DLG2: variants seen among roughly 807,000 people sequenced by gnomAD.
DLG2 encodes discs large MAGUK scaffold protein 2.
Under a neutral mutation model 132.5 loss-of-function variants are expected in DLG2, and 45 were observed. The ratio of observed to expected loss-of-function variants is 0.34; its 90% CI spans 0.27 to 0.44. The LOEUF (loss-of-function observed/expected upper bound fraction) is 0.44. DLG2 is among the 20% of genes least tolerant of loss of function. DLG2 has a pLI of 1.00. For missense variants in DLG2, 1,045 were observed against 1,196.9 expected, an observed-to-expected ratio of 0.87 and a Z score of 1.87; for synonymous variants, 424 against 419.6, an observed-to-expected ratio of 1.01 and a Z score of -0.13.
chr11:85,416,027 C>T (rs2089809936), intron 3 of DLG2, among the ~76,000 whole-genome samples: 1 of 152,108 alleles, frequency 6.6e-6, no homozygotes, highest in South Asian at 2.1e-4. Context: ...AGTCTTTAAT[C>T]CATCTTAAGT....
chr11:85,544,126 C>A (rs1177900439), intron 3 of DLG2, among the ~76,000 whole-genome samples: 1 of 152,144 alleles, frequency 6.6e-6, no homozygotes, highest in Non-Finnish European at 1.5e-5. Context: ...GGTTTTAGGT[C>A]TAAAATTTAA....
At chr11:84,515,943 A>T (rs895864096) in intron 7 of DLG2, among the ~76,000 whole-genome samples, 1 of 151,294 alleles carries the variant, frequency 6.6e-6, no homozygotes, top group African/African-American at 2.4e-5. Flanking sequence ...AACTTTGGAA[A>T]ATTCACAAAT....
At chr11:85,180,242 G>A (rs938426298) in intron 4 of DLG2, among the ~76,000 whole-genome samples, 2 of 151,726 alleles carry the variant, frequency 1.3e-5, no homozygotes, top group African/African-American at 4.8e-5. Flanking sequence ...ATCCACCAGA[G>A]AACAGTTGTA....
intron 14 of DLG2, among the ~76,000 whole-genome samples, chr11:83,957,150 C>G (rs1372333955): frequency 6.6e-6 from 1 of 152,114 alleles, no homozygotes; most frequent in Non-Finnish European, 1.5e-5. Context: ...TACCTCAGAG[C>G]CTGAGGAGAA....
At chr11:84,736,889 A>G (rs181462427) in intron 6 of DLG2, among the ~76,000 whole-genome samples, 190 of 152,102 alleles carry the variant, frequency 1.2e-3, no homozygotes, top group African/African-American at 4.4e-3. Context: ...AAACATCCAG[A>G]ACAATGTTGC....
intron 7 of DLG2, among the ~76,000 whole-genome samples, chr11:84,449,258 T>C (rs1036631592): frequency 6.6e-6 from 1 of 151,934 alleles, no homozygotes; most frequent in African/African-American, 2.4e-5. Context: ...AATCCCTTTT[T>C]ATTTCCTTAA....
chr11:83,910,323 T>A (rs1565602463), intron 15 of DLG2, among the ~76,000 whole-genome samples: 1 of 152,150 alleles, frequency 6.6e-6, no homozygotes, highest in African/African-American at 2.4e-5. Context: ...ACCTCAAAGC[T>A]GACAACTTTT....
chr11:84,784,788 T>C (rs1598079767), intron 6 of DLG2, among the ~76,000 whole-genome samples: 1 of 152,144 alleles, frequency 6.6e-6, no homozygotes, highest in South Asian at 2.1e-4. Flanking sequence ...TGGTGGTTAC[T>C]AGAGACTGGG....
chr11:83,866,971 T>G (rs2062511135), intron 16 of DLG2, among the ~76,000 whole-genome samples: 1 of 152,192 alleles, frequency 6.6e-6, no homozygotes, highest in Non-Finnish European at 1.5e-5. Context: ...ATTCCTCCAT[T>G]TTTTCTAATT....
At chr11:83,835,490 C>T (rs2055885612) in intron 16 of DLG2, among the ~76,000 whole-genome samples, 1 of 151,934 alleles carries the variant, frequency 6.6e-6, no homozygotes. Context: ...AACATTCTGG[C>T]CAGAGGAAAG....
chr11:84,802,329 G>A (rs1048784947), intron 6 of DLG2, among the ~76,000 whole-genome samples: 16 of 152,144 alleles, frequency 1.1e-4, no homozygotes, highest in African/African-American at 3.9e-4. Context: ...TGATAGGTTA[G>A]GGGAATTAAC....
chr11:85,342,463 C>G (rs2082565411), intron 3 of DLG2, among the ~76,000 whole-genome samples: 1 of 152,186 alleles, frequency 6.6e-6, no homozygotes, highest in Non-Finnish European at 1.5e-5. Flanking sequence ...GAGCTGTCAT[C>G]TGCTTTGATA....
chr11:84,466,677 G>A (rs907840667), intron 7 of DLG2, among the ~76,000 whole-genome samples: 7 of 151,290 alleles, frequency 4.6e-5, no homozygotes, highest in Non-Finnish European at 7.4e-5. Context: ...TCTAGTGGGG[G>A]TACTAAGTAT....
At chr11:83,731,512 C>T (rs989902521) in intron 18 of DLG2, among the ~76,000 whole-genome samples, 7 of 152,170 alleles carry the variant, frequency 4.6e-5, no homozygotes, top group African/African-American at 7.2e-5. Flanking sequence ...TGTATACGTA[C>T]CACATTTCTT....
intron 6 of DLG2, among the ~76,000 whole-genome samples, chr11:84,762,814 TAAGAGTA>T (rs2067825722): frequency 6.6e-6 from 1 of 152,160 alleles, no homozygotes; most frequent in Non-Finnish European, 1.5e-5. Flanking sequence ...AGTGAGGATC[TAAGAGTA>T]AGTGAGTAAT....
chr11:84,968,211 T>C lies in DLG2; in HGVS notation c.357+143450A>G, dbSNP rs184084977. ...ATCATTTTTAGAATAAAATTATATA[T>C]GACAAAATTCATAACATCTAACATA... On this transcript the variant is annotated intron_variant, in intron 6 of 27. Transcript: ENST00000376104. Among the ~76,000 whole-genome samples the C allele has an allele frequency of 1.1e-3, 162 of 152,290 alleles. 1 individual carries two copies. Among genetic ancestry groups the C allele is most frequent in the African/African-American group, 3.6e-3 (149 of 41,584 alleles).
At chr11:83,917,563 G>A (rs1294485557) in intron 15 of DLG2, among the ~76,000 whole-genome samples, 1 of 152,078 alleles carries the variant, frequency 6.6e-6, no homozygotes, top group Admixed American at 6.6e-5. Flanking sequence ...AAAATCCCAG[G>A]GGAAACTATG....
chr11:85,385,662 C>T (rs2086262429), intron 3 of DLG2, among the ~76,000 whole-genome samples: 2 of 152,148 alleles, frequency 1.3e-5, no homozygotes. Flanking sequence ...AAAAATCTCA[C>T]TTAGGCAAGC....
intron 2 of DLG2, among the ~76,000 whole-genome samples, chr11:85,622,429 T>C (rs975931853): frequency 3.3e-5 from 5 of 151,438 alleles, no homozygotes; most frequent in Middle Eastern, 6.9e-3. Flanking sequence ...TTATTGATTC[T>C]GAAAAAAAAA....
Sources: allele counts gnomAD v4.1 joint callset (sites outside exome capture counted in the v4.1 genomes callset), GRCh38; gene constraint gnomAD v4.1.1; transcripts MANE v1.5; gene names NCBI Gene and HGNC (gene_info 2026-07-23, HGNC 2026-07-21).